The following SGCZ variants were observed in gnomAD, a reference collection of about 807,000 sequenced individuals.
SGCZ encodes the protein sarcoglycan zeta.
A neutral mutation model predicts 41.3 loss-of-function variants in SGCZ; 40 were observed. The observed-to-expected ratio is 0.97, with a 90% confidence interval of 0.75 to 1.26. SGCZ has a LOEUF of 1.26. SGCZ is among the 50% of genes most tolerant of loss of function. SGCZ has a pLI of 0.00. For missense variants in SGCZ, 552 were observed against 369.8 expected, an observed-to-expected ratio of 1.49 and a Z score of -4.04; for synonymous variants, 206 against 137.5, an observed-to-expected ratio of 1.50 and a Z score of -3.49.
At chr8:14,648,074 G>C (rs749847620) in intron 1 of SGCZ, among the ~76,000 whole-genome samples, 2 of 151,788 alleles carry the variant, frequency 1.3e-5, no homozygotes, top group East Asian at 3.9e-4. Context: ...GATTTGACAG[G>C]GAGTGACCTA....
chr8:15,067,608 T>C (rs1805201439), intron 1 of SGCZ, among the ~76,000 whole-genome samples: 1 of 151,370 alleles, frequency 6.6e-6, no homozygotes, highest in Admixed American at 6.6e-5. Context: ...TTTAAAACTT[T>C]TTATATTTGT....
chr8:14,410,092 G>C (rs912024456), intron 2 of SGCZ, among the ~76,000 whole-genome samples: 2 of 152,090 alleles, frequency 1.3e-5, no homozygotes, highest in African/African-American at 4.8e-5. Flanking sequence ...GGTGGCGTTA[G>C]ATTCTTAAAG....
At chr8:14,133,929 G>A (rs938657133) in intron 5 of SGCZ, among the ~76,000 whole-genome samples, 5 of 151,994 alleles carry the variant, frequency 3.3e-5, no homozygotes, top group African/African-American at 9.7e-5. Flanking sequence ...TAGGTACTAT[G>A]CCACCAGAAC....
At chr8:14,218,401 T>G (rs1019509893) in intron 4 of SGCZ, among the ~76,000 whole-genome samples, 1 of 152,196 alleles carries the variant, frequency 6.6e-6, no homozygotes, top group African/African-American at 2.4e-5. Flanking sequence ...CAGAAAGTAT[T>G]AAGTTATTGC....
chr8:15,180,605 G>C (rs532193199), intron 1 of SGCZ, among the ~76,000 whole-genome samples: 1 of 151,862 alleles, frequency 6.6e-6, no homozygotes, highest in Non-Finnish European at 1.5e-5. Context: ...AGAGGGAAAG[G>C]CTGGGCATGG....
At chr8:15,187,498 C>T (rs913085065) in intron 1 of SGCZ, among the ~76,000 whole-genome samples, 4 of 151,994 alleles carry the variant, frequency 2.6e-5, no homozygotes, top group African/African-American at 9.7e-5. Flanking sequence ...TTTAGGATAT[C>T]TCATTTTTAG....
intron 2 of SGCZ, among the ~76,000 whole-genome samples, chr8:14,511,025 CT>C (rs1802451664): frequency 1.3e-5 from 2 of 151,976 alleles, no homozygotes; most frequent in South Asian, 4.1e-4. Context: ...ATTTATTTTT[CT>C]TTTGGATAAA....
chr8:14,608,260 C>CT (rs35064962), intron 1 of SGCZ, among the ~76,000 whole-genome samples: 5,660 of 147,848 alleles, frequency 0.038, 205 homozygotes, highest in African/African-American at 0.091. Flanking sequence ...TTATTTGAGG[C>CT]TTTTTTTTTT....
rs545028280 is a variant in SGCZ, at chr8:14,980,472, G to C, written c.39+257113C>G. Among the ~76,000 whole-genome samples, 3 of 152,092 alleles carry C rather than the reference G, an allele frequency of 2.0e-5. No homozygotes were observed. The South Asian group carries it at 6.2e-4, about 32-fold the overall frequency. On this transcript the variant is annotated intron_variant, in intron 1 of 7. Coordinates refer to ENST00000382080, the MANE Select transcript of SGCZ (RefSeq NM_139167.4). ...TCTATCTGTGTTAGTCTGTTTTCACGTTGCTGATGAAGACATAACCGAGAC... is the reference window on the plus strand; with the variant it reads ...TCTATCTGTGTTAGTCTGTTTTCACCTTGCTGATGAAGACATAACCGAGAC...
At chr8:14,702,850 TAGATAGATAGATA>T (rs1353766867) in intron 1 of SGCZ, among the ~76,000 whole-genome samples, 2 of 138,872 alleles carry the variant, frequency 1.4e-5, no homozygotes, top group African/African-American at 5.3e-5. Flanking sequence ...GATAGATAGA[TAGATAGATAGATA>T]GATAGATAGA....
At chr8:14,725,599 T>C (rs898405190) in intron 1 of SGCZ, among the ~76,000 whole-genome samples, 4 of 152,156 alleles carry the variant, frequency 2.6e-5, no homozygotes, top group Non-Finnish European at 5.9e-5. Flanking sequence ...GGCACACAAA[T>C]TGATAACAAT....
chr8:14,721,277 T>A (rs948157168), intron 1 of SGCZ, among the ~76,000 whole-genome samples: 2 of 152,172 alleles, frequency 1.3e-5, no homozygotes, highest in African/African-American at 4.8e-5. Flanking sequence ...ATTTTGTATC[T>A]CCATCTCATC....
chr8:15,182,330 A>G (rs141018525), intron 1 of SGCZ, among the ~76,000 whole-genome samples: 82 of 152,314 alleles, frequency 5.4e-4, no homozygotes, highest in Non-Finnish European at 9.9e-4. Flanking sequence ...CAATGGGCAT[A>G]CGTTCCTGAA....
At chr8:14,767,763 T>C (rs1281586357) in intron 1 of SGCZ, among the ~76,000 whole-genome samples, 1 of 152,184 alleles carries the variant, frequency 6.6e-6, no homozygotes, top group Non-Finnish European at 1.5e-5. Context: ...CTGAGACACC[T>C]CTGTACGCCT....
chr8:14,280,663 T>G (rs1800392720), intron 3 of SGCZ, among the ~76,000 whole-genome samples: 1 of 151,938 alleles, frequency 6.6e-6, no homozygotes, highest in Non-Finnish European at 1.5e-5. Context: ...CAATCATTAC[T>G]ATTACTATTG....
chr8:14,542,160 CT>C (rs1803489327), intron 2 of SGCZ, among the ~76,000 whole-genome samples: 1 of 151,942 alleles, frequency 6.6e-6, no homozygotes, highest in Admixed American at 6.6e-5. Flanking sequence ...TCAATTTTGG[CT>C]TTTGTTATTA....
chr8:14,447,800 G>A (rs1011737663), intron 2 of SGCZ, among the ~76,000 whole-genome samples: 1 of 152,142 alleles, frequency 6.6e-6, no homozygotes, highest in African/African-American at 2.4e-5. Context: ...TGCAATAAAT[G>A]ACTTTGCATT....
intron 1 of SGCZ, among the ~76,000 whole-genome samples, chr8:14,868,388 T>A (rs1057118286): frequency 3.3e-5 from 5 of 152,178 alleles, no homozygotes; most frequent in African/African-American, 1.2e-4. Context: ...CATCTATTTC[T>A]GCTACATTGC....
intron 1 of SGCZ, among the ~76,000 whole-genome samples, chr8:15,123,362 A>G (rs1338430361): frequency 6.6e-6 from 1 of 152,072 alleles, no homozygotes; most frequent in Admixed American, 6.6e-5. Flanking sequence ...TATATTATCA[A>G]TTTCTTTCTT....
Sources: gnomAD v4.1 joint callset for allele counts (sites outside exome capture counted in the v4.1 genomes callset) on GRCh38, gnomAD v4.1.1 for gene constraint, MANE v1.5 for transcripts, NCBI Gene and HGNC (gene_info 2026-07-23, HGNC 2026-07-21) for gene names.